The following ANKFN1 variants were observed in gnomAD, a reference collection of about 807,000 sequenced individuals.
ANKFN1 encodes the protein ankyrin repeat and fibronectin type-III domain-containing protein 1.
Under a neutral mutation model 108.7 loss-of-function variants are expected in ANKFN1, and 74 were observed. That is an observed-to-expected ratio of 0.68 (90% CI 0.56 to 0.83). The LOEUF (loss-of-function observed/expected upper bound fraction) is 0.83. Among genes scored for constraint, ANKFN1 ranks in the 40% least tolerant of loss-of-function variants. ANKFN1 has a pLI of 0.00. For synonymous variants in ANKFN1, 547 were observed against 516.2 expected (o/e 1.06, Z -0.81); for missense variants, 1,505 against 1,382.3 (o/e 1.09, Z -1.41).
intron 14 of ANKFN1, among the ~76,000 whole-genome samples, chr17:56,463,032 A>G (rs1339531338): frequency 6.6e-6 from 1 of 152,208 alleles, no homozygotes; most frequent in Non-Finnish European, 1.5e-5. Context: ...CATATCAAGC[A>G]CTGTGCAATT....
intron 3 of ANKFN1, among the ~76,000 whole-genome samples, chr17:56,248,685 C>T (rs769547238): frequency 3.3e-5 from 5 of 152,102 alleles, no homozygotes; most frequent in African/African-American, 4.8e-5. Context: ...AATGACTCTA[C>T]GCAGAGATTA....
At chr17:56,484,492 C>A (rs1162712454) in intron 18 of ANKFN1, among the ~76,000 whole-genome samples, 2 of 152,094 alleles carry the variant, frequency 1.3e-5, no homozygotes, top group East Asian at 3.9e-4. Context: ...GACTATGAGG[C>A]TATTGCTCCC....
intron 20 of ANKFN1, among the ~76,000 whole-genome samples, chr17:56,507,453 A>G (rs1158424959): frequency 6.6e-6 from 1 of 151,894 alleles, no homozygotes; most frequent in African/African-American, 2.4e-5. Context: ...ACCCCTCCTT[A>G]TTATATTATC....
chr17:56,071,475 T>C (rs962920549), intron 4 of ANKFN1, among the ~76,000 whole-genome samples: 10 of 152,222 alleles, frequency 6.6e-5, no homozygotes, highest in Non-Finnish European at 1.0e-4. Context: ...TCTGCCTAGA[T>C]ACTAATGGAT....
intron 3 of ANKFN1, among the ~76,000 whole-genome samples, chr17:56,285,855 T>A (rs1054935048): frequency 6.6e-6 from 1 of 151,964 alleles, no homozygotes; most frequent in Non-Finnish European, 1.5e-5. Context: ...ATGATGATGA[T>A]GATGATGATG....
At chr17:56,356,852 A>G (rs1179903462) in intron 6 of ANKFN1, among the ~76,000 whole-genome samples, 2 of 152,150 alleles carry the variant, frequency 1.3e-5, no homozygotes, top group African/African-American at 4.8e-5. Context: ...AGATGTTGCC[A>G]TGGCCATCCT....
intron 4 of ANKFN1, among the ~76,000 whole-genome samples, chr17:56,091,776 C>T (rs549441280): frequency 5.9e-5 from 9 of 151,450 alleles, no homozygotes; most frequent in South Asian, 4.2e-4. Flanking sequence ...TCAAGAAAAC[C>T]GCTTTATTTG....
intron 19 of ANKFN1, among the ~76,000 whole-genome samples, chr17:56,497,708 A>G (rs527824760): frequency 6.0e-4 from 92 of 152,262 alleles, no homozygotes; most frequent in African/African-American, 2.2e-3. Flanking sequence ...GTTAGGTAAT[A>G]CCAAATTTCC....
intron 4 of ANKFN1, among the ~76,000 whole-genome samples, chr17:56,070,484 A>G (rs1905105887): frequency 6.6e-6 from 1 of 152,174 alleles, no homozygotes; most frequent in East Asian, 1.9e-4. Context: ...CTCAATTCAG[A>G]ATAATCTACT....
intron 1 of ANKFN1, among the ~76,000 whole-genome samples, chr17:56,198,455 A>G (rs1199017846): frequency 2.0e-5 from 3 of 152,050 alleles, no homozygotes; most frequent in African/African-American, 7.2e-5. Context: ...GAGTGACTAT[A>G]AATAGATGAA....
At chr17:56,308,608 GATAA>G (rs1249421609) in intron 3 of ANKFN1, among the ~76,000 whole-genome samples, 1 of 152,016 alleles carries the variant, frequency 6.6e-6, no homozygotes, top group African/African-American at 2.4e-5. Context: ...ACAAAATTAT[GATAA>G]ATAAGAGTGA....
intron 6 of ANKFN1, among the ~76,000 whole-genome samples, chr17:56,360,439 A>C (rs1399173426): frequency 2.0e-5 from 3 of 152,166 alleles, no homozygotes; most frequent in Admixed American, 1.3e-4. Context: ...TTTTCTCATC[A>C]CATCACTCTC....
chr17:56,151,780 C>T (rs768505108), upstream of ANKFN1, among the ~76,000 whole-genome samples: 2 of 152,072 alleles, frequency 1.3e-5, no homozygotes, highest in African/African-American at 2.4e-5. Flanking sequence ...GCCTAAGTAA[C>T]ATTAAAGACC....
At chr17:56,176,838 C>T (rs1288454364) in intron 1 of ANKFN1, among the ~76,000 whole-genome samples, 1 of 152,172 alleles carries the variant, frequency 6.6e-6, no homozygotes, top group Non-Finnish European at 1.5e-5. Context: ...GTCACTGCCT[C>T]AGGACTGATT....
At position 56,423,121 on chromosome 17, in the gene ANKFN1, A is replaced by G. The variant is rs567966801; in HGVS notation, c.911-17206A>G. Among the ~76,000 whole-genome samples the G allele has an allele frequency of 1.2e-4, 19 of 152,230 alleles. No individual in the cohort carries two copies. In the South Asian group the frequency reaches 3.9e-3, roughly 32 times the overall value. The stretch of plus-strand genomic sequence containing the variant: ...AAAGTGTAGATATGTCACTATTCTC[A>G]TGTAGGGCAATCCTTCAAGGGAAAT... On this transcript the variant is annotated intron_variant, in intron 8 of 20. Transcript: ENST00000682825.
At chr17:56,158,029 A>G (rs955483380) in intron 1 of ANKFN1, among the ~76,000 whole-genome samples, 2 of 152,236 alleles carry the variant, frequency 1.3e-5, no homozygotes, top group Non-Finnish European at 2.9e-5. Flanking sequence ...GGAATGCTAA[A>G]TAATCCGCCA....
chr17:56,178,423 G>A (rs1256935077), intron 1 of ANKFN1, among the ~76,000 whole-genome samples: 2 of 152,174 alleles, frequency 1.3e-5, no homozygotes, highest in Non-Finnish European at 2.9e-5. Flanking sequence ...TTAGCCTGTG[G>A]ATTCCTGAAT....
At chr17:56,188,577 G>GTATA (rs1433162811) in intron 1 of ANKFN1, among the ~76,000 whole-genome samples, 171 of 80,688 alleles carry the variant, frequency 2.1e-3, no homozygotes, top group Non-Finnish European at 2.9e-3. Context: ...GTGTGTGTGT[G>GTATA]TGTGTATATA....
In ANKFN1 at chr17:56,511,060, A is replaced by G; in HGVS notation, c.3232A>G (p.Ser1078Gly). 1 of 1,536,006 alleles carries G rather than the reference A, an allele frequency of 6.5e-7. No individual in the cohort carries two copies. Among genetic ancestry groups the G allele is most frequent in the Admixed American group, 2.0e-5 (1 of 51,012 alleles). Reference sequence around the variant, plus strand: ...TGCCAGCCTTCCTGAGGAGCGGAACAGCAGTCTCCAGGACGCGAGGCCTTC... The same window carrying G: ...TGCCAGCCTTCCTGAGGAGCGGAACGGCAGTCTCCAGGACGCGAGGCCTTC... ...HAASLPEERN[S>G]SLQDARPSVR... The change falls in exon 21 of 21, where the codon AGC becomes GGC. Residue 1078 changes from serine to glycine, a missense_variant. By Grantham distance (56) the Ser-to-Gly change is moderately conservative (BLOSUM62 0). Coordinates refer to ENST00000682825, the MANE Select transcript of ANKFN1 (RefSeq NM_001370326.1).
Sources: allele counts gnomAD v4.1 joint callset (sites outside exome capture counted in the v4.1 genomes callset), GRCh38; gene constraint gnomAD v4.1.1; transcripts MANE v1.5; gene names NCBI Gene and HGNC (gene_info 2026-07-23, HGNC 2026-07-21).